The following RAD21 variants were observed in gnomAD, a reference collection of about 807,000 sequenced individuals.
The protein encoded by RAD21 is RAD21 cohesin complex component.
RAD21 carries 18 observed loss-of-function variants against 71.5 expected under a neutral mutation model. The observed-to-expected ratio is 0.25, with a 90% CI of 0.17 to 0.37. RAD21 has a LOEUF of 0.37. Ranked by LOEUF, RAD21 falls within the 10% of genes least tolerant of loss-of-function variation. The pLI is 1.00. For synonymous variants in RAD21, 248 were observed against 254.0 expected (o/e 0.98, Z 0.22); for missense variants, 493 against 769.1 (o/e 0.64, Z 4.25).
In RAD21 at chr8:116,874,619, C is replaced by G. The variant is rs1001481759; in HGVS notation, c.-41G>C. The G allele has an allele frequency of 6.6e-5, 23 of 348,664 alleles. No individual in the cohort carries two copies. Among genetic ancestry groups the G allele is most frequent in the Non-Finnish European group, 1.1e-4 (20 of 181,596 alleles). 21.6% of individuals were successfully genotyped at this position (348,664 alleles called of 1,614,324 possible). A position where few individuals can be genotyped will look rare whatever the true frequency, so the allele number is the denominator to read the frequency against. On this transcript the variant is annotated 5_prime_UTR_variant, in exon 1 of 14. Transcript: ENST00000297338. Reference sequence around the variant, plus strand: ...TCGGCCGAGTCTCTTACCTTGCTCTCCGCTGGGAGTTGGGCGGGCTGGGTG... The same window carrying G: ...TCGGCCGAGTCTCTTACCTTGCTCTGCGCTGGGAGTTGGGCGGGCTGGGTG...
intron 1 of RAD21, among the ~76,000 whole-genome samples, chr8:116,872,771 A>C (rs1812857915): frequency 6.6e-6 from 1 of 152,204 alleles, no homozygotes; most frequent in African/African-American, 2.4e-5. Flanking sequence ...CCTAACTCAG[A>C]TCAGAACGGA....
intron 2 of RAD21, among the ~76,000 whole-genome samples, chr8:116,864,527 T>C (rs6993046): frequency 6.6e-6 from 1 of 151,890 alleles, no homozygotes; most frequent in African/African-American, 2.4e-5. Context: ...ATACCAAATT[T>C]GTGATCAAAT....
At position 116,846,475 on chromosome 8, in the gene RAD21, T is replaced by C. The variant is rs1163428091; in HGVS notation, c.*1025A>G. The C allele has an allele frequency of 8.8e-6, 2 of 226,058 alleles. No homozygotes were observed. Among genetic ancestry groups the C allele is most frequent in the East Asian group, 1.3e-4 (2 of 15,490 alleles). 14.0% of individuals were successfully genotyped at this position (226,058 alleles called of 1,614,324 possible). On this transcript the variant is annotated 3_prime_UTR_variant, in exon 14 of 14. Coordinates refer to ENST00000297338, the MANE Select transcript of RAD21 (RefSeq NM_006265.3). Reference sequence around the variant, plus strand: ...TTCAATTAAATTACAGGAAACTGGATATAGGATTTCGTTGCAACGCTATTA... The same window carrying C: ...TTCAATTAAATTACAGGAAACTGGACATAGGATTTCGTTGCAACGCTATTA...
intron 1 of RAD21, among the ~76,000 whole-genome samples, chr8:116,873,691 C>CA (rs2130498600): frequency 6.6e-6 from 1 of 152,196 alleles, no homozygotes; most frequent in East Asian, 1.9e-4. Flanking sequence ...GTAAATCCCC[C>CA]AGGGTTTCCC....
chr8:116,866,767 A>G lies in RAD21; in HGVS notation c.-32-6T>C. On this transcript the variant is annotated splice_polypyrimidine_tract_variant and splice_region_variant and intron_variant, in intron 1 of 13. Coordinates refer to ENST00000297338, the MANE Select transcript of RAD21 (RefSeq NM_006265.3). ...CTATGAAAACAGAAGAAAACCTAAG[A>G]GGGGAAAAAAAAGTTAATGTAAACA... The G allele has an allele frequency of 3.3e-6, 5 of 1,530,468 alleles. No individual in the cohort carries two copies. The highest frequency in any genetic ancestry group is 4.4e-6 in the Non-Finnish European group (5 of 1,140,244). 94.8% of individuals were successfully genotyped at this position (1,530,468 alleles called of 1,614,324 possible).
At position 116,863,114 on chromosome 8, in the gene RAD21, A is replaced by G; in HGVS notation, c.274+16T>C. 6.3e-7 allele frequency: 1 copy of G among 1,589,984 alleles called. No homozygotes were observed. On this transcript the variant is annotated intron_variant, in intron 3 of 13. Transcript: ENST00000297338. Reference sequence around the variant, plus strand: ...AGTAAACAACAACAACAAAAACCAAACAAGTTTAACAATACCTGGCCGAAA... The same window carrying G: ...AGTAAACAACAACAACAAAAACCAAGCAAGTTTAACAATACCTGGCCGAAA...
intron 11 of RAD21, chr8:116,851,108 T>C (rs1279201338): frequency 6.2e-6 from 1 of 162,450 alleles, no homozygotes; most frequent in African/African-American, 2.4e-5. Flanking sequence ...CTGAGAGTCT[T>C]GAATGTCTCA....
At position 116,858,455 on chromosome 8, in the gene RAD21, G is replaced by A. The variant is rs763410561; in HGVS notation, c.378C>T (p.Asp126=). The part of the protein sequence containing the change: ...DFDQPLPDLD[D]IDVAQQFSLN... ...AGCTGAACTGCTGGGCCACATCGAT[G>A]TCACTTTAAAAGAAGGTCAAATACA... The change falls in exon 5 of 14, where the codon GAC becomes GAT. Residue 126 remains aspartate (D), a synonymous_variant. Coordinates refer to ENST00000297338, the MANE Select transcript of RAD21 (RefSeq NM_006265.3). The A allele has an allele frequency of 2.0e-5, 32 of 1,609,612 alleles. No homozygotes were observed. Among genetic ancestry groups the A allele is most frequent in the Non-Finnish European group, 2.5e-5 (30 of 1,177,378 alleles).
At chr8:116,861,419 G>A (rs180920542) in intron 4 of RAD21, among the ~76,000 whole-genome samples, 11 of 150,118 alleles carry the variant, frequency 7.3e-5, no homozygotes, top group Admixed American at 6.7e-4. Flanking sequence ...AAGTTATCTC[G>A]TATGTTCATT....
chr8:116,868,322 A>T (rs1262485632), intron 1 of RAD21, among the ~76,000 whole-genome samples: 3 of 152,234 alleles, frequency 2.0e-5, no homozygotes, highest in African/African-American at 7.2e-5. Flanking sequence ...TACGTTTATC[A>T]ATAGTATATT....
chr8:116,851,739 A>G, intron 11 of RAD21: 1 of 446,844 alleles, frequency 2.2e-6, no homozygotes, highest in Non-Finnish European at 4.0e-6. Context: ...TACTATTCAA[A>G]AAGAGTCAGG....
Position 116,856,787 on chromosome 8 carries a change from T to C in RAD21, c.689-16A>G. On this transcript the variant is annotated splice_polypyrimidine_tract_variant and intron_variant, in intron 6 of 13. Transcript: ENST00000297338. ...AGTTTGTCATCTGAAATAGGGAATGTAAGTTAGTTATAATTTGAAAAAGAA... is the reference window on the plus strand; with the variant it reads ...AGTTTGTCATCTGAAATAGGGAATGCAAGTTAGTTATAATTTGAAAAAGAA... 3 of 1,480,918 alleles carry C rather than the reference T, an allele frequency of 2.0e-6. No homozygotes were observed. The highest frequency in any genetic ancestry group is 2.7e-6 in the Non-Finnish European group (3 of 1,106,550). 91.7% of individuals were successfully genotyped at this position (1,480,918 alleles called of 1,614,324 possible).
At chr8:116,872,494 C>T (rs1276771220) in intron 1 of RAD21, among the ~76,000 whole-genome samples, 1 of 151,688 alleles carries the variant, frequency 6.6e-6, no homozygotes, top group African/African-American at 2.4e-5. Context: ...GTATGCAGGG[C>T]AAGTGAGGCC....
chr8:116,861,994 A>C (rs1812601794), intron 3 of RAD21, 54 bp from the exon 4 acceptor site: 1 of 1,374,796 alleles, frequency 7.3e-7, no homozygotes, highest in South Asian at 1.2e-5. Context: ...TTATCTAGGG[A>C]TCAGAGGGAG....
intron 6 of RAD21, 108 bp downstream of exon 6, chr8:116,857,159 T>C (rs1163656297): frequency 4.4e-6 from 4 of 911,788 alleles, no homozygotes; most frequent in South Asian, 3.2e-5. Flanking sequence ...AATTCACTCA[T>C]ATATATCTAA....
intron 1 of RAD21, among the ~76,000 whole-genome samples, chr8:116,871,001 G>C (rs1812811025): frequency 6.6e-6 from 1 of 152,184 alleles, no homozygotes; most frequent in African/African-American, 2.4e-5. Context: ...GTTTGGCATA[G>C]GATGGGGCTA....
chr8:116,856,320 CA>C (rs2130467068), intron 7 of RAD21, 32 bp from the exon 8 acceptor site: 1 of 1,338,450 alleles, frequency 7.5e-7, no homozygotes, highest in Non-Finnish European at 9.7e-7. Flanking sequence ...AAAAAAGTCA[CA>C]AAAAGCTTTG....
chr8:116,874,358 G>C (rs1482020202), intron 1 of RAD21: 1 of 163,480 alleles, frequency 6.1e-6, no homozygotes, highest in African/African-American at 2.4e-5. Flanking sequence ...AGAATCATTT[G>C]TTACCGAACA....
At chr8:116,849,180 G>T in intron 12 of RAD21, 151 bp from the exon 13 acceptor site, 1 of 519,606 alleles carries the variant, frequency 1.9e-6, no homozygotes, top group Non-Finnish European at 3.3e-6. Context: ...CAATCACTTA[G>T]CATTTAGAGT....
Sources: allele counts gnomAD v4.1 joint callset (sites outside exome capture counted in the v4.1 genomes callset), GRCh38; gene constraint gnomAD v4.1.1; transcripts MANE v1.5; gene names NCBI Gene and HGNC (gene_info 2026-07-23, HGNC 2026-07-21).